The following MEI1 variants were observed in gnomAD, a reference collection of about 807,000 sequenced individuals.
MEI1 encodes meiosis inhibitor protein 1.
MEI1 carries 103 observed loss-of-function variants against 146.2 expected under a neutral mutation model. The ratio of observed to expected loss-of-function variants is 0.70; its 90% CI spans 0.60 to 0.83. MEI1 has a LOEUF of 0.83. Ranked by LOEUF, MEI1 falls within the 40% of genes least tolerant of loss-of-function variation. MEI1 has a pLI of 0.00. For synonymous variants in MEI1, 652 were observed against 628.2 expected (o/e 1.04, Z -0.57); for missense variants, 1,529 against 1,533.0 (o/e 1.00, Z 0.04).
chr22:41,743,555 T>A (rs956949563), intron 12 of MEI1, among the ~76,000 whole-genome samples: 1 of 152,242 alleles, frequency 6.6e-6, no homozygotes, highest in Non-Finnish European at 1.5e-5. Flanking sequence ...CAAAATTATT[T>A]AAGTCTGAAT....
chr22:41,766,164 C>T (rs1387162038), intron 19 of MEI1, among the ~76,000 whole-genome samples: 1 of 151,320 alleles, frequency 6.6e-6, no homozygotes, highest in Non-Finnish European at 1.5e-5. Context: ...CATGAGCCAC[C>T]GTGCCGGCCA....
chr22:41,722,467 ATTTTTT>A (rs749033326), intron 6 of MEI1, among the ~76,000 whole-genome samples: 2 of 127,646 alleles, frequency 1.6e-5, no homozygotes, highest in African/African-American at 3.2e-5. Context: ...CAGCATTTTA[ATTTTTT>A]TTTTTTTTTT....
intron 20 of MEI1, 82 bp downstream of exon 20, chr22:41,771,043 C>T (rs2075152721): frequency 1.4e-6 from 2 of 1,467,368 alleles, no homozygotes; most frequent in East Asian, 4.5e-5. Context: ...GGTCAGGAGG[C>T]ACCCACATCT....
chr22:41,785,507 C>T (rs6002483), intron 26 of MEI1, among the ~76,000 whole-genome samples: 14,616 of 151,756 alleles, frequency 0.096, 2,001 homozygotes, highest in African/African-American at 0.31. Context: ...CATGATCCTC[C>T]CGCCTCGGCC....
rs372303886 is a variant in MEI1, at chr22:41,706,747, A to G, written c.349+1193A>G. ...AAAAAAACAAAAATTGTCGAAGCGC[A>G]TGGGTTTACCTATAAAGGGTTTGTA... On this transcript the variant is annotated intron_variant, in intron 3 of 30. Coordinates refer to ENST00000401548, the MANE Select transcript of MEI1 (RefSeq NM_152513.4). Among the ~76,000 whole-genome samples the G allele has an allele frequency of 4.6e-5, 7 of 151,894 alleles. No homozygotes were observed. The East Asian group carries it at 5.8e-4, about 13-fold the overall frequency.
At chr22:41,711,401 G>C (rs769069371) in intron 3 of MEI1, among the ~76,000 whole-genome samples, 4 of 152,110 alleles carry the variant, frequency 2.6e-5, no homozygotes, top group Admixed American at 6.6e-5. Context: ...TCGATTTCTT[G>C]ACCTCATGAT....
At chr22:41,725,482 GAAAC>G (rs1913425154) in intron 7 of MEI1, among the ~76,000 whole-genome samples, 1 of 152,182 alleles carries the variant, frequency 6.6e-6, no homozygotes, top group Admixed American at 6.5e-5. Flanking sequence ...TACAGCAATA[GAAAC>G]AAAGTCACCT....
intron 11 of MEI1, among the ~76,000 whole-genome samples, chr22:41,739,190 G>A (rs1024155250): frequency 2.0e-5 from 3 of 151,176 alleles, no homozygotes; most frequent in Non-Finnish European, 2.9e-5. Context: ...TGTAATTCCC[G>A]TCTTAAATTT....
At chr22:41,793,806 A>ATTT (rs113484758) in intron 26 of MEI1, 23 bp from the exon 27 acceptor site, 776 of 1,399,874 alleles carry the variant, frequency 5.5e-4, no homozygotes, top group South Asian at 1.9e-3. Context: ...ACCTGACCTG[A>ATTT]TTTTTTTTTT....
chr22:41,743,950 C>T (rs1382501819), intron 12 of MEI1, among the ~76,000 whole-genome samples: 3 of 152,032 alleles, frequency 2.0e-5, no homozygotes, highest in Non-Finnish European at 2.9e-5. Context: ...GATCTCGACT[C>T]ACTGCAACCT....
chr22:41,744,900 C>A, intron 12 of MEI1, 73 bp from the exon 13 acceptor site: 1 of 865,858 alleles, frequency 1.2e-6, no homozygotes. Context: ...AAGAGGTCTA[C>A]AGTCATCCAA....
chr22:41,710,870 C>T (rs1300185002), intron 3 of MEI1, among the ~76,000 whole-genome samples: 3 of 152,180 alleles, frequency 2.0e-5, no homozygotes, highest in East Asian at 3.8e-4. Context: ...GGCACTCAGT[C>T]ATAGCAGTAA....
chr22:41,780,904 G>T lies in MEI1; in HGVS notation c.2816-380G>T, dbSNP rs577365746. On this transcript the variant is annotated intron_variant, in intron 22 of 30. Coordinates refer to ENST00000401548, the MANE Select transcript of MEI1 (RefSeq NM_152513.4). ...AGGCCTGAGCTGAATCTTGATTGCT[G>T]ACGGGGACAAGAGGAGTTAGCTAAA... 1.2e-4 allele frequency among the ~76,000 whole-genome samples: 19 copies of T among 152,300 alleles called. No homozygotes were observed. In the South Asian group the frequency reaches 3.7e-3, roughly 30 times the overall value.
intron 26 of MEI1, among the ~76,000 whole-genome samples, chr22:41,785,100 C>T (rs1277247272): frequency 6.6e-6 from 1 of 150,730 alleles, no homozygotes; most frequent in African/African-American, 2.4e-5. Context: ...CCACACCTGG[C>T]TAATTTTTGT....
At chr22:41,716,185 C>T in intron 5 of MEI1, 39 bp downstream of exon 5, 1 of 1,407,640 alleles carries the variant, frequency 7.1e-7, no homozygotes, top group South Asian at 1.2e-5. Flanking sequence ...TACCCTTTTA[C>T]CTGCTTTTAT....
intron 30 of MEI1, among the ~76,000 whole-genome samples, chr22:41,797,987 A>G (rs560812922): frequency 6.6e-6 from 1 of 152,248 alleles, no homozygotes; most frequent in African/African-American, 2.4e-5. Flanking sequence ...TAGTGATACA[A>G]TCAGGATTTG....
At chr22:41,714,891 AT>A (rs1043290755) in intron 4 of MEI1, among the ~76,000 whole-genome samples, 104 of 152,198 alleles carry the variant, frequency 6.8e-4, no homozygotes, top group African/African-American at 2.4e-3. Flanking sequence ...AAAAAAAAAA[AT>A]ATCAGTTAAA....
chr22:41,760,398 A>G (rs1426674588), intron 18 of MEI1, among the ~76,000 whole-genome samples: 3 of 152,120 alleles, frequency 2.0e-5, no homozygotes, highest in Non-Finnish European at 4.4e-5. Context: ...AGTCCCAGCT[A>G]CTGGGGAGGC....
intron 1 of MEI1, among the ~76,000 whole-genome samples, 183 bp from the exon 2 acceptor site, chr22:41,703,148 A>T (rs1212081464): frequency 6.6e-6 from 1 of 152,238 alleles, no homozygotes; most frequent in Non-Finnish European, 1.5e-5. Context: ...CTTCTGTATG[A>T]ATACATGGAT....
Sources: allele counts gnomAD v4.1 joint callset (sites outside exome capture counted in the v4.1 genomes callset), GRCh38; gene constraint gnomAD v4.1.1; transcripts MANE v1.5; gene names NCBI Gene and HGNC (gene_info 2026-07-23, HGNC 2026-07-21).